The following ATXN1 variants were observed in gnomAD, a reference collection of about 807,000 sequenced individuals.
The protein encoded by ATXN1 is ataxin 1.
Under a neutral mutation model 56.4 loss-of-function variants are expected in ATXN1, and 8 were observed. The ratio of observed to expected loss-of-function variants is 0.14; its 90% CI spans 0.08 to 0.26. The LOEUF is 0.26. Ranked by LOEUF, ATXN1 falls within the 10% of genes least tolerant of loss-of-function variation. The pLI, the probability that ATXN1 is intolerant of heterozygous loss-of-function variation, is 1.00. For missense variants in ATXN1, 987 were observed against 1,106.5 expected (o/e 0.89, Z 1.53); for synonymous variants, 514 against 494.6 (o/e 1.04, Z -0.52).
intron 6 of ATXN1, among the ~76,000 whole-genome samples, chr6:16,397,241 A>G (rs1016199822): frequency 1.1e-4 from 16 of 152,132 alleles, no homozygotes; most frequent in Admixed American, 7.9e-4. Context: ...CCGAGCCAGT[A>G]GCTAAACTTT....
intron 6 of ATXN1, among the ~76,000 whole-genome samples, chr6:16,394,414 T>C (rs1758413641): frequency 6.6e-6 from 1 of 152,258 alleles, no homozygotes; most frequent in Non-Finnish European, 1.5e-5. Flanking sequence ...AATTTCATTT[T>C]ATTCCATTGT....
intron 3 of ATXN1, among the ~76,000 whole-genome samples, chr6:16,626,556 A>G (rs1045853629): frequency 2.0e-5 from 3 of 152,180 alleles, no homozygotes; most frequent in African/African-American, 4.8e-5. Flanking sequence ...TCGGCCTCCC[A>G]AAGTACTGAG....
intron 6 of ATXN1, among the ~76,000 whole-genome samples, chr6:16,335,238 G>A (rs1205325303): frequency 6.6e-6 from 1 of 152,214 alleles, no homozygotes; most frequent in Non-Finnish European, 1.5e-5. Flanking sequence ...GTCTATCTAA[G>A]CGTGGAGCTT....
chr6:16,407,474 A>T lies in ATXN1; in HGVS notation c.-161+78498T>A, dbSNP rs1455719596. Among the ~76,000 whole-genome samples, 4 of 152,242 alleles carry T rather than the reference A, an allele frequency of 2.6e-5. No homozygotes were observed. The East Asian group carries it at 7.7e-4, about 29-fold the overall frequency. ...GCTGTCCTAAGGAATATGTTGAAAC[A>T]TGCTCCTCAAAAGTATCTGTATCAA... On this transcript the variant is annotated intron_variant, in intron 6 of 7. Transcript: ENST00000436367.
At chr6:16,738,088 T>C (rs567661274) in intron 2 of ATXN1, 2 of 152,332 alleles carry the variant, frequency 1.3e-5, no homozygotes, top group African/African-American at 4.8e-5. Context: ...CCTCAGAGTC[T>C]ACTGAATCAT....
Position 16,306,480 on chromosome 6 carries a change from G to A in ATXN1, c.2297C>T (p.Pro766Leu). The change falls in exon 8 of 8, where the codon CCC becomes CTC. Residue 766 changes from proline (P) to leucine (L), a missense_variant. Pro to Leu is a moderately conservative substitution (Grantham distance 98, BLOSUM62 -3). Coordinates refer to ENST00000436367, the MANE Select transcript of ATXN1 (RefSeq NM_001128164.2). The surrounding 1 kb of genome is among the most constrained non-coding windows in gnomAD (Gnocchi z 5.2). The part of the protein sequence containing the change: ...PFLTKIEPSK[P>L]AATRKRRWSA... ...CCACCTCCTCTTCCTCGTTGCCGCG[G>A]GCTTGCTGGGTTCTATTTTGGTGAG... 1 of 1,614,152 alleles carries A rather than the reference G, an allele frequency of 6.2e-7. No individual in the cohort carries two copies. The highest frequency in any genetic ancestry group is 8.5e-7 in the Non-Finnish European group (1 of 1,180,028).
chr6:16,539,356 C>A (rs997419524), intron 4 of ATXN1, among the ~76,000 whole-genome samples: 2 of 152,212 alleles, frequency 1.3e-5, no homozygotes, highest in Admixed American at 1.3e-4. Context: ...ACCCAGCCAA[C>A]TAGCTCAGAG....
At position 16,454,138 on chromosome 6, in the gene ATXN1, A is replaced by C. The variant is rs1157347528; in HGVS notation, c.-161+31834T>G. 5.9e-5 allele frequency among the ~76,000 whole-genome samples: 5 copies of C among 85,078 alleles called. No individual in the cohort carries two copies. In the East Asian group the frequency reaches 1.4e-3, roughly 24 times the overall value. The allele number at this position is 85,078 out of a possible 152,430, so 55.8% of individuals were successfully genotyped here. A position where few individuals can be genotyped will look rare whatever the true frequency, so the allele number is the denominator to read the frequency against. ...GAGACTCTGTCTCAAAAAAAAAAAA[A>C]AAAAAAAAAAAAAAAACAGAAGAAT... is the stretch of plus-strand genomic sequence containing the variant. On this transcript the variant is annotated intron_variant, in intron 6 of 7. Coordinates refer to ENST00000436367, the MANE Select transcript of ATXN1 (RefSeq NM_001128164.2).
At chr6:16,509,701 A>G (rs572630047) in intron 5 of ATXN1, among the ~76,000 whole-genome samples, 1 of 152,304 alleles carries the variant, frequency 6.6e-6, no homozygotes, top group African/African-American at 2.4e-5. Context: ...TACATGCCAG[A>G]TGAATCTTTC....
intron 6 of ATXN1, among the ~76,000 whole-genome samples, chr6:16,368,847 T>C (rs556299266): frequency 3.9e-5 from 6 of 152,350 alleles, no homozygotes; most frequent in African/African-American, 1.4e-4. Flanking sequence ...TTTTAGAAAG[T>C]GCTAAATGGA....
chr6:16,623,881 T>C (rs1462912310), intron 3 of ATXN1, among the ~76,000 whole-genome samples: 6 of 152,236 alleles, frequency 3.9e-5, no homozygotes, highest in African/African-American at 1.4e-4. Flanking sequence ...ATTAATAATA[T>C]AGCAGCTAAG....
Position 16,712,684 on chromosome 6 carries a change from GC to G in ATXN1, c.-615+40548del, listed in dbSNP as rs202126562. The stretch of plus-strand genomic sequence containing the variant: ...AGCTAGGGGAGGGAACTGAGTAAAG[GC>G]AGGGACCTGAACATATCCCTCCGTT... On this transcript the variant is annotated intron_variant, in intron 2 of 7. Transcript: ENST00000436367. 2.0e-5 allele frequency among the ~76,000 whole-genome samples: 3 copies of G among 151,280 alleles called. No homozygotes were observed. In the East Asian group the frequency reaches 5.8e-4, roughly 29 times the overall value.
At chr6:16,447,838 G>A (rs961770878) in intron 6 of ATXN1, among the ~76,000 whole-genome samples, 12 of 152,216 alleles carry the variant, frequency 7.9e-5, no homozygotes, top group African/African-American at 2.9e-4. Context: ...CTACCAACGG[G>A]CTTCAGAGCA....
intron 2 of ATXN1, among the ~76,000 whole-genome samples, chr6:16,722,206 G>A (rs1466607166): frequency 6.6e-6 from 1 of 152,182 alleles, no homozygotes; most frequent in Non-Finnish European, 1.5e-5. Flanking sequence ...TCTCCCAAAT[G>A]GCACTGCAGC....
chr6:16,457,468 C>G (rs1164522045), intron 6 of ATXN1, among the ~76,000 whole-genome samples: 4 of 151,892 alleles, frequency 2.6e-5, no homozygotes, highest in Non-Finnish European at 5.9e-5. Flanking sequence ...TGAAACGCAT[C>G]CTAAGCCATT....
At chr6:16,403,099 T>A (rs1271873630) in intron 6 of ATXN1, among the ~76,000 whole-genome samples, 2 of 152,190 alleles carry the variant, frequency 1.3e-5, no homozygotes, top group Non-Finnish European at 2.9e-5. Context: ...TATGTATGGA[T>A]ATAAATACAT....
chr6:16,464,452 C>T (rs576232513), intron 6 of ATXN1, among the ~76,000 whole-genome samples: 1 of 152,218 alleles, frequency 6.6e-6, no homozygotes, highest in Admixed American at 6.5e-5. Context: ...CTTGGGTCCC[C>T]TTCCACGCTG....
intron 2 of ATXN1, among the ~76,000 whole-genome samples, chr6:16,716,555 TG>T (rs1475325629): frequency 6.6e-6 from 1 of 152,118 alleles, no homozygotes; most frequent in Non-Finnish European, 1.5e-5. Context: ...GGCAGGGTTG[TG>T]GGGGTGCAAA....
chr6:16,464,317 T>G (rs996577346), intron 6 of ATXN1, among the ~76,000 whole-genome samples: 1 of 152,024 alleles, frequency 6.6e-6, no homozygotes, highest in African/African-American at 2.4e-5. Context: ...ATCAGCAGGA[T>G]TCTAAAGGTA....
Sources: allele counts gnomAD v4.1 joint callset (sites outside exome capture counted in the v4.1 genomes callset), GRCh38; gene constraint gnomAD v4.1.1; non-coding constraint Gnocchi (gnomAD v3.1); transcripts MANE v1.5; gene names NCBI Gene and HGNC (gene_info 2026-07-23, HGNC 2026-07-21).